Variants in TGM7 observed in about 807,000 individuals in gnomAD.
The protein encoded by TGM7 is protein-glutamine gamma-glutamyltransferase Z.
Under a neutral mutation model 79.5 loss-of-function variants are expected in TGM7, and 74 were observed. The observed-to-expected ratio is 0.93, with a 90% confidence interval of 0.77 to 1.13. The LOEUF is 1.13. Ranked by LOEUF, TGM7 falls within the 50% of genes most tolerant of loss-of-function variation. TGM7 has a pLI of 0.00. For synonymous variants in TGM7, 354 were observed against 362.5 expected (o/e 0.98, Z 0.27); for missense variants, 912 against 905.9 (o/e 1.01, Z -0.09).
At chr15:43,290,352 T>C (rs972771069) in intron 4 of TGM7, among the ~76,000 whole-genome samples, 3 of 152,172 alleles carry the variant, frequency 2.0e-5, no homozygotes, top group Non-Finnish European at 4.4e-5. Flanking sequence ...TTTTGTCAGG[T>C]TTGTCAAAGA....
chr15:43,299,163 A>G (rs1420958245), intron 1 of TGM7, among the ~76,000 whole-genome samples: 1 of 152,178 alleles, frequency 6.6e-6, no homozygotes, highest in African/African-American at 2.4e-5. Context: ...TTCTTTGAAC[A>G]TGTATTCCTT....
At chr15:43,287,243 G>C in intron 6 of TGM7, 37 bp downstream of exon 6, 1 of 1,592,312 alleles carries the variant, frequency 6.3e-7, no homozygotes, top group Non-Finnish European at 8.6e-7. Context: ...TGATAATGAA[G>C]TTAATCACAC....
At chr15:43,279,581 C>A (rs748635806) in intron 10 of TGM7, 44 bp downstream of exon 10, 6 of 1,527,304 alleles carry the variant, frequency 3.9e-6, no homozygotes, top group Non-Finnish European at 5.3e-6. Flanking sequence ...GGACCCACAG[C>A]TCCCCTCCCT....
intron 8 of TGM7, 68 bp downstream of exon 8, chr15:43,282,449 T>G: frequency 7.2e-7 from 1 of 1,388,016 alleles, no homozygotes; most frequent in Non-Finnish European, 1.0e-6. Flanking sequence ...GGTCTCCTGC[T>G]CCCACGGCCA....
At chr15:43,279,007 C>T in intron 11 of TGM7, 110 bp downstream of exon 11, 1 of 1,192,948 alleles carries the variant, frequency 8.4e-7, no homozygotes. Flanking sequence ...TGTGCTGGAG[C>T]CATCGGTGTG....
At chr15:43,281,763 G>A in intron 9 of TGM7, 81 bp downstream of exon 9, 1 of 1,567,352 alleles carries the variant, frequency 6.4e-7, no homozygotes, top group Non-Finnish European at 8.7e-7. Flanking sequence ...GATGGTGATG[G>A]TTTCAACTTG....
chr15:43,281,743 G>A (rs928056501), intron 9 of TGM7, 101 bp downstream of exon 9: 2 of 1,535,916 alleles, frequency 1.3e-6, no homozygotes, highest in Middle Eastern at 1.8e-4. Flanking sequence ...CCATGAGGAA[G>A]AGGTGATTCG....
At chr15:43,282,692 G>T in intron 7 of TGM7, 72 bp from the exon 8 acceptor site, 2 of 1,137,996 alleles carry the variant, frequency 1.8e-6, no homozygotes, top group African/African-American at 1.5e-5. Context: ...ACTATACGGA[G>T]TGATTTATAT....
rs752967181 is a variant in TGM7 at position 43,293,579 on chromosome 15, CTTG to C, written c.60_62del (p.Asn20del). 1.6e-5 allele frequency: 26 copies of C among 1,610,542 alleles called. No individual in the cohort carries two copies. The highest frequency in any genetic ancestry group is 2.2e-5 in the South Asian group (2 of 90,930). On this transcript the variant is annotated inframe_deletion, in exon 2 of 13. Transcript: ENST00000452443. Reference sequence around the variant, plus strand: ...CGCCCATCTCCTGCGTGTGGTGCTCCTTGTTGTTCCTGGAGCTCTGCAGGTCGA... The same window carrying C: ...CGCCCATCTCCTGCGTGTGGTGCTCCTTGTTCCTGGAGCTCTGCAGGTCGA...
chr15:43,290,465 T>C (rs2042958387), intron 4 of TGM7, among the ~76,000 whole-genome samples: 1 of 152,238 alleles, frequency 6.6e-6, no homozygotes, highest in Non-Finnish European at 1.5e-5. Flanking sequence ...TTGGTTACTG[T>C]AGCCTTGTAG....
chr15:43,287,170 C>T (rs914788420), intron 6 of TGM7, 110 bp downstream of exon 6: 14 of 1,334,908 alleles, frequency 1.0e-5, no homozygotes, highest in Non-Finnish European at 1.3e-5. Flanking sequence ...TGGGTGCCCA[C>T]CACCCCCAGC....
intron 2 of TGM7, 100 bp from the exon 3 acceptor site, chr15:43,293,054 C>G: frequency 6.6e-7 from 1 of 1,508,764 alleles, no homozygotes; most frequent in Non-Finnish European, 8.9e-7. Context: ...CCACCACCTG[C>G]TAATGCTTTT....
chr15:43,287,689 G>A lies in TGM7; in HGVS notation c.559-20C>T, dbSNP rs748761423. The A allele has an allele frequency of 3.0e-5, 47 of 1,592,152 alleles. No individual in the cohort carries two copies. The highest frequency in any genetic ancestry group is 3.6e-5 in the Non-Finnish European group (42 of 1,173,280). ...TTCAAACTTCCAAGTGATTTTAAGG[G>A]AGAAAAAAGAGAAGAGCAAATGTCT... On this transcript the variant is annotated intron_variant, in intron 4 of 12. Transcript: ENST00000452443.
In TGM7 at chr15:43,293,630, C is replaced by T. The variant is rs556747912; in HGVS notation, c.12G>A (p.Val4=). Residue 4 remains valine, a splice_region_variant and synonymous_variant, in exon 2 of 13, where the codon GTG becomes GTA. Transcript: ENST00000452443. Reference sequence around the variant, plus strand: ...CGACAGACTCAAGCCGCAAGGTTGCCACTAGGGGAGAGGAGGGGACAGGTC... The same window carrying T: ...CGACAGACTCAAGCCGCAAGGTTGCTACTAGGGGAGAGGAGGGGACAGGTC... The part of the protein sequence containing the change: MDQ[V]ATLRLESVDL... The T allele has an allele frequency of 1.1e-5, 18 of 1,601,604 alleles. No homozygotes were observed. In the South Asian group the frequency reaches 1.7e-4, roughly 15 times the overall value.
intron 7 of TGM7, among the ~76,000 whole-genome samples, chr15:43,283,432 C>G (rs1307686241): frequency 6.6e-6 from 1 of 152,090 alleles, no homozygotes; most frequent in Non-Finnish European, 1.5e-5. Flanking sequence ...GCCTTTCTTT[C>G]TTTGTTACAT....
At chr15:43,300,882 C>G (rs1434501567) in intron 1 of TGM7, among the ~76,000 whole-genome samples, 1 of 152,224 alleles carries the variant, frequency 6.6e-6, no homozygotes, top group African/African-American at 2.4e-5. Context: ...ATATGCTAAA[C>G]TCTAGCACTA....
At position 43,287,405 on chromosome 15, in the gene TGM7, T is replaced by C. The variant is rs544843078; in HGVS notation, c.740A>G (p.Tyr247Cys). 6 of 1,614,024 alleles carry C rather than the reference T, an allele frequency of 3.7e-6. No individual in the cohort carries two copies. Among genetic ancestry groups the C allele is most frequent in the South Asian group, 1.1e-5 (1 of 91,068 alleles). Residue 247 changes from tyrosine (Y) to cysteine (C), a missense_variant, in exon 6 of 13, where the codon TAC becomes TGC. Transcript: ENST00000452443. The stretch of plus-strand genomic sequence containing the variant: ...CTCCAGAGGACTGACCCCTTTGGAG[T>C]AGTCCTCGCCCCAGTTCCCCTGCAG... ...GVLQGNWGED[Y>C]SKGVSPLEWK... is the part of the protein sequence containing the mutation.
intron 11 of TGM7, among the ~76,000 whole-genome samples, chr15:43,278,170 G>A (rs1383217240): frequency 1.3e-5 from 2 of 152,222 alleles, no homozygotes; most frequent in Non-Finnish European, 2.9e-5. Flanking sequence ...ATTGGGGTGG[G>A]GAGGGGCAGG....
chr15:43,295,066 A>G (rs1340276621), intron 1 of TGM7, among the ~76,000 whole-genome samples: 2 of 152,146 alleles, frequency 1.3e-5, no homozygotes, highest in East Asian at 1.9e-4. Context: ...CATGCCCTAC[A>G]GTATTTTTTT....
Sources: allele counts gnomAD v4.1 joint callset (sites outside exome capture counted in the v4.1 genomes callset), GRCh38; gene constraint gnomAD v4.1.1; transcripts MANE v1.5; gene names NCBI Gene and HGNC (gene_info 2026-07-23, HGNC 2026-07-21).